The following TTC39B variants were observed in gnomAD, a reference collection of about 807,000 sequenced individuals.
TTC39B encodes the protein tetratricopeptide repeat protein 39B.
Under a neutral mutation model 96.6 loss-of-function variants are expected in TTC39B, and 92 were observed. That is an observed-to-expected ratio of 0.95 (90% CI 0.80 to 1.13). TTC39B has a LOEUF of 1.13. Among genes scored for constraint, TTC39B ranks in the 50% most tolerant of loss-of-function variants. TTC39B has a pLI of 0.00. For missense variants in TTC39B, 955 were observed against 809.3 expected (o/e 1.18, Z -2.18); for synonymous variants, 367 against 299.4 (o/e 1.23, Z -2.33).
At chr9:15,296,762 G>T (rs1004926793) in intron 1 of TTC39B, among the ~76,000 whole-genome samples, 1 of 152,098 alleles carries the variant, frequency 6.6e-6, no homozygotes, top group Non-Finnish European at 1.5e-5. Context: ...CTCCCAAAGT[G>T]CTGGGATTAC....
exon 20 of TTC39B, chr9:15,168,176 T>C (rs1424303229): frequency 6.6e-6 from 1 of 152,244 alleles, no homozygotes; most frequent in Non-Finnish European, 1.5e-5. Context: ...CCACATGTGC[T>C]GTAAGCCATT....
chr9:15,166,809 T>G (rs1340698832), exon 20 of TTC39B: 1 of 151,232 alleles, frequency 6.6e-6, no homozygotes, highest in Non-Finnish European at 1.5e-5. Flanking sequence ...TGTCTATTTA[T>G]TATTTGTAAG....
Position 15,208,395 on chromosome 9 carries a change from C to T in TTC39B, c.691+1693G>A, listed in dbSNP as rs368330181. Among the ~76,000 whole-genome samples the T allele has an allele frequency of 3.3e-5, 5 of 151,968 alleles. No individual in the cohort carries two copies. In the East Asian group the frequency reaches 7.7e-4, roughly 24 times the overall value. On this transcript the variant is annotated intron_variant, in intron 6 of 19. Coordinates refer to ENST00000512701, the Ensembl canonical transcript of TTC39B. ...ATGCCAAAATGCAGCTAAAAAAAAT[C>T]TCAAATATCAGCCTTCATACTAAAA... is the stretch of plus-strand genomic sequence containing the variant.
At chr9:15,174,061 T>A (rs1272185791) in intron 19 of TTC39B, among the ~76,000 whole-genome samples, 4 of 152,196 alleles carry the variant, frequency 2.6e-5, no homozygotes, top group African/African-American at 9.6e-5. Flanking sequence ...TATGCAAATC[T>A]CAGCTACAAT....
chr9:15,287,945 C>CAAA lies in TTC39B; in HGVS notation c.240+19136_240+19138dup, dbSNP rs762069142. Among the ~76,000 whole-genome samples the CAAA allele has an allele frequency of 5.9e-4, 41 of 68,944 alleles. 1 individual carries two copies. The highest frequency in any genetic ancestry group is 2.3e-3 in the African/African-American group (38 of 16,844). 45.2% of individuals were successfully genotyped at this position (68,944 alleles called of 152,430 possible). ...TGGGCGACAGGGCGAGACTCCATCT[C>CAAA]AAAAAAAAAAAAAAAAAAAAAAAAC... On this transcript the variant is annotated intron_variant, in intron 1 of 19. Transcript: ENST00000512701.
chr9:15,242,170 G>T (rs1310517628), intron 2 of TTC39B, among the ~76,000 whole-genome samples: 1 of 152,108 alleles, frequency 6.6e-6, no homozygotes, highest in African/African-American at 2.4e-5. Flanking sequence ...CCACTGTGCT[G>T]GTTGATTAAA....
chr9:15,190,343 T>C (rs1353059180), intron 11 of TTC39B, among the ~76,000 whole-genome samples: 1 of 151,698 alleles, frequency 6.6e-6, no homozygotes, highest in Non-Finnish European at 1.5e-5. Flanking sequence ...TTGTCTTGTT[T>C]TGTTTTTTTT....
intron 1 of TTC39B, among the ~76,000 whole-genome samples, chr9:15,273,403 G>T: frequency 6.6e-6 from 1 of 152,200 alleles, no homozygotes; most frequent in Middle Eastern, 3.4e-3. Context: ...AAAAAATAAC[G>T]CCAGGTACTG....
chr9:15,207,343 G>T (rs1349196864), intron 6 of TTC39B, among the ~76,000 whole-genome samples: 2 of 152,112 alleles, frequency 1.3e-5, no homozygotes, highest in African/African-American at 4.8e-5. Flanking sequence ...CCTTATTCCA[G>T]ATTTCCTAAA....
At chr9:15,274,398 C>A (rs976545621) in intron 1 of TTC39B, among the ~76,000 whole-genome samples, 1 of 152,154 alleles carries the variant, frequency 6.6e-6, no homozygotes, top group Admixed American at 6.5e-5. Context: ...ATCTGCAGTG[C>A]CACATTTTTT....
chr9:15,210,871 A>AAACAAAAGT (rs1208141942), intron 5 of TTC39B, among the ~76,000 whole-genome samples: 1 of 152,230 alleles, frequency 6.6e-6, no homozygotes, highest in Non-Finnish European at 1.5e-5. Context: ...CATTTTCACC[A>AAACAAAAGT]AACAAAAGTG....
At chr9:15,263,117 A>T (rs143461111) in intron 2 of TTC39B, among the ~76,000 whole-genome samples, 1 of 152,258 alleles carries the variant, frequency 6.6e-6, no homozygotes, top group South Asian at 2.1e-4. Flanking sequence ...CAGCTTGCCA[A>T]CTGCAGAACT....
exon 3 of TTC39B, chr9:15,225,989 G>T: frequency 6.2e-7 from 1 of 1,613,926 alleles, no homozygotes; most frequent in South Asian, 1.1e-5. Flanking sequence ...AAGGCTGCTT[G>T]TTGCCATATC....
intron 6 of TTC39B, among the ~76,000 whole-genome samples, chr9:15,207,196 G>A (rs1018280191): frequency 2.0e-5 from 3 of 152,146 alleles, no homozygotes; most frequent in Admixed American, 6.6e-5. Context: ...CTTTAGAGTA[G>A]TGTGAAAATG....
chr9:15,182,692 A>T (rs1487171981), intron 16 of TTC39B, among the ~76,000 whole-genome samples: 1 of 152,222 alleles, frequency 6.6e-6, no homozygotes, highest in Non-Finnish European at 1.5e-5. Context: ...TACAGAAATA[A>T]ATATTTTAAA....
At chr9:15,250,024 C>A in intron 2 of TTC39B, 1 of 1,287,730 alleles carries the variant, frequency 7.8e-7, no homozygotes, top group South Asian at 1.2e-5. Context: ...AAAGAAGAGA[C>A]AAACCTCAAT....
At chr9:15,257,823 T>G (rs1023624507) in intron 2 of TTC39B, among the ~76,000 whole-genome samples, 2 of 150,918 alleles carry the variant, frequency 1.3e-5, no homozygotes, top group East Asian at 3.9e-4. Flanking sequence ...ACTTTGGGAG[T>G]CCGAGGTGGG....
At chr9:15,203,667 T>C (rs978775463) in intron 7 of TTC39B, among the ~76,000 whole-genome samples, 156 bp downstream of exon 7, 4 of 152,168 alleles carry the variant, frequency 2.6e-5, no homozygotes, top group African/African-American at 9.7e-5. Flanking sequence ...CTCTCTAGCA[T>C]CTTTTTTCAG....
At chr9:15,296,813 A>C (rs990984828) in intron 1 of TTC39B, among the ~76,000 whole-genome samples, 5 of 151,716 alleles carry the variant, frequency 3.3e-5, no homozygotes, top group Non-Finnish European at 5.9e-5. Flanking sequence ...AAATTTTTTT[A>C]AAAGGCAGGG....
Sources: gnomAD v4.1 joint callset for allele counts (sites outside exome capture counted in the v4.1 genomes callset) on GRCh38, gnomAD v4.1.1 for gene constraint, MANE v1.5 for transcripts, NCBI Gene and HGNC (gene_info 2026-07-23, HGNC 2026-07-21) for gene names.